CMKLR2: variants seen among roughly 807,000 people sequenced by gnomAD.
CMKLR2 encodes chemerin-like receptor 2.
A neutral mutation model predicts 23.0 loss-of-function variants in CMKLR2; 18 were observed. The observed-to-expected ratio is 0.78, with a 90% CI of 0.54 to 1.16. CMKLR2 has a LOEUF of 1.16. CMKLR2 is among the 50% of genes most tolerant of loss of function. CMKLR2 has a pLI of 0.00. For synonymous variants in CMKLR2, 158 were observed against 158.9 expected, an observed-to-expected ratio of 0.99 and a Z score of 0.05; for missense variants, 401 against 412.7, an observed-to-expected ratio of 0.97 and a Z score of 0.25.
chr2:206,200,236 C>A (rs1223924990), intron 1 of CMKLR2, among the ~76,000 whole-genome samples: 3 of 152,022 alleles, frequency 2.0e-5, no homozygotes, highest in Non-Finnish European at 1.5e-5. Flanking sequence ...TCAGCCTGGG[C>A]AACACAGTGA....
chr2:206,184,299 T>TCC lies in CMKLR2; in HGVS notation c.-28-7025_-28-7024insGG, dbSNP rs1400936193. Among the ~76,000 whole-genome samples the TCC allele has an allele frequency of 6.2e-5, 9 of 145,080 alleles. No homozygotes were observed. The Admixed American group carries it at 6.5e-4, about 10-fold the overall frequency. ...TAAAAACCCCATTTCTCTCTCTCTCTCTTTTTTTTTTTTTTAAGACAGGTT... is the reference window on the plus strand; with the variant it reads ...TAAAAACCCCATTTCTCTCTCTCTCTCCCTTTTTTTTTTTTTTAAGACAGGTT... On this transcript the variant is annotated intron_variant, in intron 1 of 1. Coordinates refer to ENST00000621141, the MANE Select transcript of CMKLR2 (RefSeq NM_001389445.1).
chr2:206,177,139 CA>C lies in CMKLR2; in HGVS notation c.108del (p.Val37PhefsTer43). 1 of 1,613,984 alleles carries C rather than the reference CA, an allele frequency of 6.2e-7. No homozygotes were observed. Among genetic ancestry groups the C allele is most frequent in the African/African-American group, 1.3e-5 (1 of 75,038 alleles). On this transcript the variant is annotated frameshift_variant, in exon 2 of 2. Transcript: ENST00000621141. LOFTEE classifies it high-confidence loss of function. ...TATAACACCAGGGAGACCCAGTGAACAACTCCCAGCTGGACTTTCTCCTCCA... is the reference window on the plus strand; with the variant it reads ...TATAACACCAGGGAGACCCAGTGAACACTCCCAGCTGGACTTTCTCCTCCA... Reference protein sequence around the residue: ...SDLEEKVQLGVVHWVSLVLYC... With the variant: ...SDLEEKVQLGXVHWVSLVLYC...
At chr2:206,204,329 G>C (rs928320157) in intron 1 of CMKLR2, among the ~76,000 whole-genome samples, 19 of 147,150 alleles carry the variant, frequency 1.3e-4, no homozygotes, top group Non-Finnish European at 1.6e-4. Context: ...ACTCCAGCCT[G>C]GGCGACAGAG....
At chr2:206,195,571 G>A (rs896344941) in intron 1 of CMKLR2, among the ~76,000 whole-genome samples, 5 of 152,158 alleles carry the variant, frequency 3.3e-5, no homozygotes, top group African/African-American at 9.7e-5. Flanking sequence ...TCAAGGGCAA[G>A]ACTCTATGAT....
At chr2:206,181,052 GC>G (rs1350155813) in intron 1 of CMKLR2, among the ~76,000 whole-genome samples, 1 of 150,788 alleles carries the variant, frequency 6.6e-6, no homozygotes. Context: ...AAGCTACCAT[GC>G]CCGGACTTAT....
upstream of CMKLR2, among the ~76,000 whole-genome samples, chr2:206,216,485 T>C (rs1689757890): frequency 1.3e-5 from 2 of 152,080 alleles, no homozygotes; most frequent in Non-Finnish European, 2.9e-5. Flanking sequence ...TCTCACTGTA[T>C]TGCGCAGGCA....
chr2:206,176,894 C>T lies in CMKLR2; in HGVS notation c.354G>A (p.Gln118=). The change falls in exon 2 of 2, where the codon CAG becomes CAA. Residue 118 remains glutamine, a synonymous_variant. Coordinates refer to ENST00000621141, the MANE Select transcript of CMKLR2 (RefSeq NM_001389445.1). ...WLCKANSFTA[Q]LNMFASVFFL... Reference sequence around the variant, plus strand: ...AAAAAACACTGGCAAACATGTTCAACTGGGCAGTGAAGGAATTGGCTTTGC... The same window carrying T: ...AAAAAACACTGGCAAACATGTTCAATTGGGCAGTGAAGGAATTGGCTTTGC... 1 of 1,614,188 alleles carries T rather than the reference C, an allele frequency of 6.2e-7. No individual in the cohort carries two copies. The highest frequency in any genetic ancestry group is 8.5e-7 in the Non-Finnish European group (1 of 1,180,034).
At chr2:206,207,149 A>AT (rs3081587) in intron 1 of CMKLR2, among the ~76,000 whole-genome samples, 6,370 of 137,696 alleles carry the variant, frequency 0.046, 259 homozygotes, top group East Asian at 0.13. Context: ...GTTGCTTATA[A>AT]TTTTTTTTTT....
intron 1 of CMKLR2, among the ~76,000 whole-genome samples, chr2:206,188,194 A>C (rs1688642410): frequency 6.6e-6 from 1 of 152,194 alleles, no homozygotes; most frequent in Non-Finnish European, 1.5e-5. Context: ...TTGACCTCCC[A>C]AAATGCTGGG....
At chr2:206,205,457 G>A (rs1689276165) in intron 1 of CMKLR2, among the ~76,000 whole-genome samples, 1 of 151,974 alleles carries the variant, frequency 6.6e-6, no homozygotes, top group African/African-American at 2.4e-5. Context: ...CGAACTCCTG[G>A]GTTCAAGTGG....
intron 1 of CMKLR2, among the ~76,000 whole-genome samples, chr2:206,199,842 A>G (rs1478794233): frequency 6.6e-6 from 1 of 151,934 alleles, no homozygotes; most frequent in Non-Finnish European, 1.5e-5. Context: ...TCGCCCTCCC[A>G]AAGTGCTGGG....
upstream of CMKLR2, among the ~76,000 whole-genome samples, chr2:206,214,488 C>T (rs1383994092): frequency 6.6e-6 from 1 of 152,058 alleles, no homozygotes; most frequent in Non-Finnish European, 1.5e-5. Flanking sequence ...GATGTGGGCA[C>T]ATCTGTGTAC....
At chr2:206,202,216 G>T (rs16838063) in intron 1 of CMKLR2, among the ~76,000 whole-genome samples, 10,293 of 152,144 alleles carry the variant, frequency 0.068, 390 homozygotes, top group East Asian at 0.15. Flanking sequence ...AAAGTGAGGG[G>T]TTTTAAGCAG....
rs569889337 is a variant in CMKLR2 at position 206,177,999 on chromosome 2, G to C, written c.-28-724C>G. On this transcript the variant is annotated intron_variant, in intron 1 of 1. Transcript: ENST00000621141. ...AGCTTCAAAATCTGTATTTCAGCCA[G>C]ACACAGTGGCTCACACCTGTAATCC... Among the ~76,000 whole-genome samples, 41 of 152,316 alleles carry C rather than the reference G, an allele frequency of 2.7e-4. No individual in the cohort carries two copies. In the South Asian group the frequency reaches 4.1e-3, roughly 15 times the overall value.
chr2:206,186,621 G>T (rs572510915), intron 1 of CMKLR2, among the ~76,000 whole-genome samples: 9 of 152,030 alleles, frequency 5.9e-5, no homozygotes, highest in Non-Finnish European at 1.0e-4. Context: ...CCCTTAGAGG[G>T]GACAGAAAGG....
At chr2:206,215,368 T>C (rs1020221790), upstream of CMKLR2, among the ~76,000 whole-genome samples, 3 of 152,252 alleles carry the variant, frequency 2.0e-5, no homozygotes, top group Non-Finnish European at 2.9e-5. Flanking sequence ...AAAGCCATTA[T>C]TGAGGAGAAT....
chr2:206,200,222 G>A (rs1247330135), intron 1 of CMKLR2, among the ~76,000 whole-genome samples: 9 of 151,990 alleles, frequency 5.9e-5, no homozygotes, highest in Admixed American at 5.2e-4. Context: ...TCAGAAGTTC[G>A]AGATCAGCCT....
intron 1 of CMKLR2, among the ~76,000 whole-genome samples, chr2:206,182,976 C>G (rs1013857545): frequency 6.6e-6 from 1 of 152,098 alleles, no homozygotes; most frequent in Admixed American, 6.6e-5. Context: ...TCCCTTCCTT[C>G]GTGTGTCCTA....
intron 1 of CMKLR2, among the ~76,000 whole-genome samples, chr2:206,210,366 T>C (rs1364669441): frequency 2.0e-5 from 3 of 152,186 alleles, no homozygotes; most frequent in Non-Finnish European, 4.4e-5. Context: ...CCATGGTGTA[T>C]ATGAGCCACA....
Sources: allele counts gnomAD v4.1 joint callset (sites outside exome capture counted in the v4.1 genomes callset), GRCh38; gene constraint gnomAD v4.1.1; transcripts MANE v1.5; gene names NCBI Gene and HGNC (gene_info 2026-07-23, HGNC 2026-07-21).